The following TENM3 variants were observed in gnomAD, a reference collection of about 807,000 sequenced individuals.
TENM3 encodes the protein teneurin transmembrane protein 3.
TENM3 carries 63 observed loss-of-function variants against 255.1 expected under a neutral mutation model. The ratio of observed to expected loss-of-function variants is 0.25; its 90% CI spans 0.20 to 0.30. The LOEUF (loss-of-function observed/expected upper bound fraction) is 0.30, where lower values mean the gene tolerates loss of function less well. Ranked by LOEUF, TENM3 falls within the 10% of genes least tolerant of loss-of-function variation. The pLI is 1.00. For synonymous variants in TENM3, 1,306 were observed against 1,322.3 expected, an observed-to-expected ratio of 0.99 and a Z score of 0.27; for missense variants, 2,929 against 3,461.1, an observed-to-expected ratio of 0.85 and a Z score of 3.86.
At chr4:182,340,681 G>C (rs962643072) in intron 2 of TENM3, among the ~76,000 whole-genome samples, 1 of 152,146 alleles carries the variant, frequency 6.6e-6, no homozygotes, top group African/African-American at 2.4e-5. Flanking sequence ...TACTTCTTTT[G>C]CTGTGGAATC....
At chr4:182,702,790 T>A (rs1004661979) in intron 12 of TENM3, among the ~76,000 whole-genome samples, 8 of 151,650 alleles carry the variant, frequency 5.3e-5, no homozygotes, top group African/African-American at 1.9e-4. Flanking sequence ...CAGGCTGGAG[T>A]GCAGTGGTGC....
the TENM3 span, among the ~76,000 whole-genome samples, chr4:181,961,933 G>T: frequency 6.6e-6 from 1 of 151,770 alleles, no homozygotes; most frequent in African/African-American, 2.4e-5. Flanking sequence ...TAAATTTTAA[G>T]CCCAAATCTT....
intron 3 of TENM3, among the ~76,000 whole-genome samples, chr4:182,478,796 G>T (rs1733921126): frequency 6.6e-6 from 1 of 151,430 alleles, no homozygotes; most frequent in Non-Finnish European, 1.5e-5. Context: ...ATTTTGTGTT[G>T]GTTATATTAA....
chr4:182,263,450 TA>T (rs1759003580), intron 1 of TENM3, among the ~76,000 whole-genome samples: 1 of 152,144 alleles, frequency 6.6e-6, no homozygotes, highest in Non-Finnish European at 1.5e-5. Flanking sequence ...CCCCTCTCTA[TA>T]AAGTCCGCCT....
At chr4:181,754,288 A>T in the TENM3 span, among the ~76,000 whole-genome samples, 1 of 138,398 alleles carries the variant, frequency 7.2e-6, no homozygotes, top group Non-Finnish European at 1.7e-5. Flanking sequence ...TCCCAGTCAC[A>T]CACACACACA....
chr4:182,628,949 A>G, intron 5 of TENM3, 60 bp downstream of exon 5: 1 of 993,090 alleles, frequency 1.0e-6, no homozygotes, highest in East Asian at 2.6e-5. Context: ...TTGTTTTATT[A>G]CTTGTATTTA....
the TENM3 span, among the ~76,000 whole-genome samples, chr4:181,613,750 T>TG: frequency 3.3e-5 from 5 of 152,316 alleles, no homozygotes; most frequent in Admixed American, 2.0e-4. Flanking sequence ...AAATTGTGAT[T>TG]GGGGGGCCCC....
intron 24 of TENM3, among the ~76,000 whole-genome samples, chr4:182,785,762 C>A (rs1765600266): frequency 1.5e-5 from 2 of 130,142 alleles, no homozygotes; most frequent in East Asian, 2.3e-4. Flanking sequence ...AATGCTGGTA[C>A]TTTATGACTG....
At chr4:182,462,274 G>A (rs1732086371) in intron 3 of TENM3, among the ~76,000 whole-genome samples, 1 of 151,860 alleles carries the variant, frequency 6.6e-6, no homozygotes. Context: ...CCCAAGGCTG[G>A]TCTCAAACTC....
intron 3 of TENM3, among the ~76,000 whole-genome samples, chr4:182,467,621 G>A (rs1732721142): frequency 6.6e-6 from 1 of 152,082 alleles, no homozygotes; most frequent in Non-Finnish European, 1.5e-5. Flanking sequence ...ATTAGATATG[G>A]GAAAGCCCTT....
At chr4:181,538,284 G>A in the TENM3 span, among the ~76,000 whole-genome samples, 1 of 152,136 alleles carries the variant, frequency 6.6e-6, no homozygotes, top group Non-Finnish European at 1.5e-5. Flanking sequence ...AGCATGGCCA[G>A]AATAAGCTGA....
At chr4:181,486,052 C>T in the TENM3 span, among the ~76,000 whole-genome samples, 199 of 152,090 alleles carry the variant, frequency 1.3e-3, 1 homozygote, top group Non-Finnish European at 2.1e-3. Flanking sequence ...TTGAGTTTAT[C>T]TAAGACTTTA....
At chr4:181,925,348 A>G in the TENM3 span, among the ~76,000 whole-genome samples, 2 of 152,192 alleles carry the variant, frequency 1.3e-5, no homozygotes, top group Non-Finnish European at 2.9e-5. Flanking sequence ...CTCATTCATA[A>G]CTACTTAATT....
At chr4:181,736,413 A>G in the TENM3 span, among the ~76,000 whole-genome samples, 122 of 152,306 alleles carry the variant, frequency 8.0e-4, no homozygotes, top group Non-Finnish European at 1.4e-3. Flanking sequence ...GCCAATGATA[A>G]GACAACAGAA....
chr4:181,901,887 C>G, the TENM3 span, among the ~76,000 whole-genome samples: 1 of 151,852 alleles, frequency 6.6e-6, no homozygotes, highest in Non-Finnish European at 1.5e-5. Flanking sequence ...CCCCCCCACC[C>G]AAAAAAACTG....
the TENM3 span, among the ~76,000 whole-genome samples, chr4:182,124,548 A>G: frequency 2.6e-5 from 4 of 152,358 alleles, no homozygotes; most frequent in African/African-American, 9.6e-5. Context: ...AAGAAAGAAC[A>G]AAGGCTGAGC....
chr4:182,673,254 C>A, intron 7 of TENM3, 35 bp downstream of exon 7: 2 of 1,411,088 alleles, frequency 1.4e-6, no homozygotes, highest in Non-Finnish European at 2.0e-6. Context: ...AAAATAAAAA[C>A]TGCCAGTTGC....
intron 16 of TENM3, among the ~76,000 whole-genome samples, chr4:182,734,955 G>A: frequency 6.6e-6 from 1 of 152,130 alleles, no homozygotes; most frequent in Non-Finnish European, 1.5e-5. Context: ...GAAAATAAGA[G>A]GAAGCAAATG....
chr4:181,604,381 C>T, the TENM3 span, among the ~76,000 whole-genome samples: 6 of 152,204 alleles, frequency 3.9e-5, no homozygotes, highest in Non-Finnish European at 4.4e-5. Flanking sequence ...TCAGAAATTT[C>T]GCTTGCATTT....
Sources: gnomAD v4.1 joint callset for allele counts (sites outside exome capture counted in the v4.1 genomes callset) on GRCh38, gnomAD v4.1.1 for gene constraint, MANE v1.5 for transcripts, NCBI Gene and HGNC (gene_info 2026-07-23, HGNC 2026-07-21) for gene names.